The following PIK3R3 variants were observed in gnomAD, a reference collection of about 807,000 sequenced individuals.
PIK3R3 encodes phosphatidylinositol 3-kinase regulatory subunit gamma.
In PIK3R3, 64 loss-of-function variants were observed where a neutral mutation model predicts 62.9. The ratio of observed to expected loss-of-function variants is 1.02; its 90% CI spans 0.83 to 1.25. The LOEUF (loss-of-function observed/expected upper bound fraction) is 1.25. Ranked by LOEUF, PIK3R3 falls within the 50% of genes most tolerant of loss-of-function variation. The probability of loss-of-function intolerance (pLI) is 0.00; values close to 1 mark genes in which losing one functional copy is unlikely to be tolerated. For missense variants in PIK3R3, 614 were observed against 561.6 expected (o/e 1.09, Z -0.94); for synonymous variants, 165 against 189.0 (o/e 0.87, Z 1.04).
chr1:46,141,454 A>G, the PIK3R3 span, among the ~76,000 whole-genome samples: 76 of 150,360 alleles, frequency 5.1e-4, no homozygotes, highest in African/African-American at 1.8e-3. Context: ...TATTTTTAGT[A>G]GAGATGGGGT....
chr1:46,104,949 A>AAAC (rs1553153526), intron 1 of PIK3R3: 2 of 539,498 alleles, frequency 3.7e-6, no homozygotes, highest in South Asian at 2.0e-5. Flanking sequence ...AAAAAAAAAA[A>AAAC]ACACACACTA....
the PIK3R3 span, among the ~76,000 whole-genome samples, chr1:46,153,567 T>C: frequency 6.6e-6 from 1 of 152,246 alleles, no homozygotes; most frequent in Non-Finnish European, 1.5e-5. Flanking sequence ...GTGTGACTTG[T>C]AACTGCTGTC....
chr1:46,097,874 A>G (rs1381552018), intron 1 of PIK3R3, among the ~76,000 whole-genome samples: 2 of 137,778 alleles, frequency 1.5e-5, no homozygotes, highest in Admixed American at 1.5e-4. Flanking sequence ...GGGCAACAAG[A>G]GGGAAACTCC....
intron 3 of PIK3R3, among the ~76,000 whole-genome samples, chr1:46,072,265 T>G (rs1649606146): frequency 6.6e-6 from 1 of 152,224 alleles, no homozygotes; most frequent in Non-Finnish European, 1.5e-5. Flanking sequence ...AACTCATTGT[T>G]AGATACCCTG....
intron 1 of PIK3R3, among the ~76,000 whole-genome samples, chr1:46,125,476 TA>T (rs1655012368): frequency 2.0e-5 from 3 of 152,142 alleles, no homozygotes; most frequent in African/African-American, 2.4e-5. Flanking sequence ...CTTAACCTGT[TA>T]ACAGTAAGGA....
At chr1:46,168,475 G>A in the PIK3R3 span, among the ~76,000 whole-genome samples, 1 of 152,144 alleles carries the variant, frequency 6.6e-6, no homozygotes, top group Non-Finnish European at 1.5e-5. Context: ...CACCCTTCCA[G>A]TGAGGGAGCT....
chr1:46,064,465 C>T (rs568954382), intron 5 of PIK3R3, among the ~76,000 whole-genome samples: 34 of 151,142 alleles, frequency 2.2e-4, no homozygotes, highest in African/African-American at 5.3e-4. Flanking sequence ...TGCTTGAACC[C>T]GGGAGGCGGA....
chr1:46,076,946 T>C (rs1571425403), intron 3 of PIK3R3, among the ~76,000 whole-genome samples: 1 of 152,360 alleles, frequency 6.6e-6, no homozygotes, highest in East Asian at 1.9e-4. Flanking sequence ...TTATTGTAAC[T>C]GGGCTACTTT....
the PIK3R3 span, among the ~76,000 whole-genome samples, chr1:46,159,045 C>CCACTG: frequency 6.6e-6 from 1 of 151,788 alleles, no homozygotes. Flanking sequence ...CGAGATGGCA[C>CCACTG]CACTGCACTC....
intron 1 of PIK3R3, among the ~76,000 whole-genome samples, chr1:46,095,677 A>G (rs1652054460): frequency 6.6e-6 from 1 of 152,224 alleles, no homozygotes; most frequent in Non-Finnish European, 1.5e-5. Context: ...GAAGGAAAAA[A>G]ACAATTAGAA....
At chr1:46,060,077 G>A (rs1571379860) in intron 6 of PIK3R3, among the ~76,000 whole-genome samples, 1 of 152,190 alleles carries the variant, frequency 6.6e-6, no homozygotes, top group African/African-American at 2.4e-5. Flanking sequence ...TCCAGCGTGG[G>A]CGACAGAGCG....
At chr1:46,145,452 A>G in the PIK3R3 span, among the ~76,000 whole-genome samples, 1 of 152,176 alleles carries the variant, frequency 6.6e-6, no homozygotes, top group South Asian at 2.1e-4. Context: ...ACATCTGGTG[A>G]GAGCCTCATG....
intron 1 of PIK3R3, among the ~76,000 whole-genome samples, chr1:46,118,125 T>C (rs1654346559): frequency 6.6e-6 from 1 of 152,128 alleles, no homozygotes; most frequent in South Asian, 2.1e-4. Flanking sequence ...TATATATAAA[T>C]AGCTTTGGCA....
rs111765776 is a variant in PIK3R3, at chr1:46,061,772, G to A, written c.764+157C>T. Among the ~76,000 whole-genome samples, 84 of 152,348 alleles carry A rather than the reference G, an allele frequency of 5.5e-4. 2 individuals carry two copies. Among genetic ancestry groups the A allele is most frequent in the African/African-American group, 1.9e-3 (81 of 41,584 alleles). On this transcript the variant is annotated intron_variant, in intron 6 of 9. Coordinates refer to ENST00000262741, the MANE Select transcript of PIK3R3 (RefSeq NM_003629.4). ...GAGAATGAACAAAGAGCAGAGGAGA[G>A]AGGAAGTTCAATTTGGTGCCATTAG...
chr1:46,165,964 G>A, the PIK3R3 span, among the ~76,000 whole-genome samples: 2 of 150,752 alleles, frequency 1.3e-5, no homozygotes, highest in Non-Finnish European at 3.0e-5. Flanking sequence ...TAGTAGAGAC[G>A]GGGTTTCACC....
At chr1:46,056,506 A>G (rs910763498) in intron 6 of PIK3R3, 1 of 152,420 alleles carries the variant, frequency 6.6e-6, no homozygotes, top group African/African-American at 2.4e-5. Context: ...AGACTGGCCA[A>G]TAAGAATATT....
At chr1:46,126,752 C>T (rs1372541330) in intron 1 of PIK3R3, among the ~76,000 whole-genome samples, 2 of 143,256 alleles carry the variant, frequency 1.4e-5, no homozygotes, top group Non-Finnish European at 3.1e-5. Context: ...CCTGGGGCAA[C>T]AAAGCAAGAC....
chr1:46,069,274 C>T (rs1174544489), intron 3 of PIK3R3, among the ~76,000 whole-genome samples: 1 of 152,152 alleles, frequency 6.6e-6, no homozygotes. Context: ...AATCCCAGCA[C>T]TTTGGGAGGC....
At chr1:46,154,970 A>G in the PIK3R3 span, among the ~76,000 whole-genome samples, 1 of 152,204 alleles carries the variant, frequency 6.6e-6, no homozygotes, top group African/African-American at 2.4e-5. Context: ...AGGATGTATC[A>G]CAATCTGAAA....
Sources: gnomAD v4.1 joint callset for allele counts (sites outside exome capture counted in the v4.1 genomes callset) on GRCh38, gnomAD v4.1.1 for gene constraint, MANE v1.5 for transcripts, NCBI Gene and HGNC (gene_info 2026-07-23, HGNC 2026-07-21) for gene names.